The following CIZ1 variants were observed in gnomAD, a reference collection of about 807,000 sequenced individuals.
CIZ1 encodes CDKN1A interacting zinc finger protein 1.
In CIZ1, 58 loss-of-function variants were observed where a neutral mutation model predicts 118.6. That is an observed-to-expected ratio of 0.49 (90% CI 0.40 to 0.61). The LOEUF (loss-of-function observed/expected upper bound fraction) is 0.61, where lower values mean the gene tolerates loss of function less well. Among genes scored for constraint, CIZ1 ranks in the 20% least tolerant of loss-of-function variants. The pLI, the probability that CIZ1 is intolerant of heterozygous loss-of-function variation, is 0.00. For synonymous variants in CIZ1, 448 were observed against 443.4 expected (o/e 1.01, Z -0.13); for missense variants, 921 against 1,115.9 (o/e 0.83, Z 2.49).
At chr9:128,185,417 A>T in intron 5 of CIZ1, 130 bp downstream of exon 5, 2 of 502,654 alleles carry the variant, frequency 4.0e-6, no homozygotes, top group Non-Finnish European at 7.0e-6. Flanking sequence ...CCCTCATTTT[A>T]CAGATGAGGA....
At chr9:128,167,435 G>C in intron 14 of CIZ1, 1 of 465,658 alleles carries the variant, frequency 2.1e-6, no homozygotes, top group Non-Finnish European at 3.8e-6. Context: ...CACGCCAGGT[G>C]TGCCCAAGAC....
At chr9:128,167,228 G>T in intron 14 of CIZ1, 64 bp from the exon 15 acceptor site, 1 of 1,303,374 alleles carries the variant, frequency 7.7e-7, no homozygotes, top group Non-Finnish European at 1.0e-6. Flanking sequence ...GACACAGGTC[G>T]GGGGCCTAGA....
chr9:128,174,024 CA>C (rs888369095), intron 11 of CIZ1, among the ~76,000 whole-genome samples: 36 of 147,718 alleles, frequency 2.4e-4, no homozygotes, highest in African/African-American at 7.6e-4. Flanking sequence ...AACAAAAAAA[CA>C]AAAAAAAAAA....
At position 128,177,650 on chromosome 9, in the gene CIZ1, G is replaced by A. The variant is rs1355722913; in HGVS notation, c.1734C>T (p.Ser578=). ...PVPRPSDSVS[S]TPAATSTPSK... is the part of the protein sequence containing the mutation. Reference sequence around the variant, plus strand: ...AGGGAGTGCTGGTAGCCGCAGGGGTGGAGGAGACGGAGTCACTGGGGCGGG... The same window carrying A: ...AGGGAGTGCTGGTAGCCGCAGGGGTAGAGGAGACGGAGTCACTGGGGCGGG... Residue 578 remains serine, a synonymous_variant, in exon 10 of 17, where the codon TCC becomes TCT. Transcript: ENST00000372938. The A allele has an allele frequency of 6.3e-7, 1 of 1,591,130 alleles. No individual in the cohort carries two copies. Among genetic ancestry groups the A allele is most frequent in the Non-Finnish European group, 8.6e-7 (1 of 1,169,132 alleles).
In CIZ1 at chr9:128,167,183, G is replaced by A; in HGVS notation, c.2296-19C>T. 1 of 1,552,886 alleles carries A rather than the reference G, an allele frequency of 6.4e-7. No individual in the cohort carries two copies. The highest frequency in any genetic ancestry group is 8.7e-7 in the Non-Finnish European group (1 of 1,147,478). On this transcript the variant is annotated intron_variant, in intron 14 of 16. Coordinates refer to ENST00000372938, the MANE Select transcript of CIZ1 (RefSeq NM_001131016.2). ...ACCTCACCTGAAAACATGCAAGTGTGGGCCTCGGATCTGGCTTCCCCTTGA... is the reference window on the plus strand; with the variant it reads ...ACCTCACCTGAAAACATGCAAGTGTAGGCCTCGGATCTGGCTTCCCCTTGA...
At chr9:128,167,505 A>G (rs915087763) in intron 14 of CIZ1, 2 of 242,324 alleles carry the variant, frequency 8.3e-6, no homozygotes, top group Non-Finnish European at 1.6e-5. Flanking sequence ...ACATTTTACT[A>G]AGAAGAAACT....
chr9:128,194,217 C>T (rs911097681), upstream of CIZ1, among the ~76,000 whole-genome samples: 27 of 151,436 alleles, frequency 1.8e-4, no homozygotes, highest in African/African-American at 6.1e-4. Flanking sequence ...CAAAAATTAG[C>T]CGGGCATGGT....
At position 128,190,809 on chromosome 9, in the gene CIZ1, G is replaced by A; in HGVS notation, c.49C>T (p.Leu17Phe). The change falls in exon 2 of 17, where the codon CTC becomes TTC. Residue 17 changes from leucine to phenylalanine, a missense_variant. Physicochemically the swap from Leu to Phe is conservative, Grantham distance 22 (BLOSUM62 0). Coordinates refer to ENST00000372938, the MANE Select transcript of CIZ1 (RefSeq NM_001131016.2). ...QQQLQQQQQQ[L>F]QQLQQQQLQQ... is the part of the protein sequence containing the mutation. Reference sequence around the variant, plus strand: ...AGCTGCTGCTGCTGTAACTGCTGGAGCTGCTGCTGCTGTTGCTGGAGCTGC... The same window carrying A: ...AGCTGCTGCTGCTGTAACTGCTGGAACTGCTGCTGCTGTTGCTGGAGCTGC... 1 of 1,534,460 alleles carries A rather than the reference G, an allele frequency of 6.5e-7. No homozygotes were observed. Among genetic ancestry groups the A allele is most frequent in the African/African-American group, 1.4e-5 (1 of 73,018 alleles).
chr9:128,186,201 C>T (rs1304232927), intron 4 of CIZ1, among the ~76,000 whole-genome samples: 1 of 152,082 alleles, frequency 6.6e-6, no homozygotes, highest in African/African-American at 2.4e-5. Flanking sequence ...AGGCACTGTG[C>T]TAAGCCCATT....
intron 7 of CIZ1, among the ~76,000 whole-genome samples, chr9:128,179,735 C>T (rs531392916): frequency 8.5e-5 from 13 of 152,212 alleles, no homozygotes; most frequent in African/African-American, 2.2e-4. Context: ...TGCAATGGCG[C>T]GATCTCGGCT....
chr9:128,192,856 C>T (rs1447345703), upstream of CIZ1, among the ~76,000 whole-genome samples: 1 of 152,220 alleles, frequency 6.6e-6, no homozygotes, highest in Non-Finnish European at 1.5e-5. Flanking sequence ...GTAGCAATTC[C>T]GGCTCCCTTT....
chr9:128,190,841 TGC>T lies in CIZ1; in HGVS notation c.15_16del (p.Gln6AlafsTer102). On this transcript the variant is annotated frameshift_variant, in exon 2 of 17. Transcript: ENST00000372938. LOFTEE classifies it high-confidence loss of function. The stretch of plus-strand genomic sequence containing the variant: ...CTGCTGTTGCTGGAGCTGCTGCTGC[TGC>T]TGCTGGCTGAACATGGTGGCTAGGG... The T allele has an allele frequency of 6.5e-7, 1 of 1,542,880 alleles. No individual in the cohort carries two copies. Among genetic ancestry groups the T allele is most frequent in the Admixed American group, 1.9e-5 (1 of 51,490 alleles).
At chr9:128,182,216 A>G (rs7862058) in intron 5 of CIZ1, among the ~76,000 whole-genome samples, 94,722 of 151,200 alleles carry the variant, frequency 0.63, 30,746 homozygotes, top group East Asian at 0.95. Context: ...GGCCACTACC[A>G]GTCTCTGCGC....
chr9:128,180,902 G>C, intron 5 of CIZ1, 88 bp from the exon 6 acceptor site: 1 of 918,584 alleles, frequency 1.1e-6, no homozygotes, highest in Non-Finnish European at 1.7e-6. Context: ...CCATCCTCCA[G>C]GGGATGACAG....
At chr9:128,173,788 C>T (rs1447111671) in intron 11 of CIZ1, among the ~76,000 whole-genome samples, 2 of 152,052 alleles carry the variant, frequency 1.3e-5, no homozygotes, top group Non-Finnish European at 2.9e-5. Flanking sequence ...GGGCAGATCA[C>T]AAGGTCAGGA....
Position 128,177,549 on chromosome 9 carries a change from ATCTCCTGT to A in CIZ1, c.1818+9_1818+16del. On this transcript the variant is annotated intron_variant, in intron 10 of 16. Coordinates refer to ENST00000372938, the MANE Select transcript of CIZ1 (RefSeq NM_001131016.2). ...GCAGGCCCCACCCCTCCCCACCCTTATCTCCTGTATCAGTACCTGCTGGCTGGAGCAGC... is the reference window on the plus strand; with the variant it reads ...GCAGGCCCCACCCCTCCCCACCCTTAATCAGTACCTGCTGGCTGGAGCAGC... The A allele has an allele frequency of 7.5e-7, 1 of 1,339,376 alleles. No individual in the cohort carries two copies. Among genetic ancestry groups the A allele is most frequent in the Non-Finnish European group, 9.9e-7 (1 of 1,009,218 alleles). 83.0% of individuals were successfully genotyped at this position (1,339,376 alleles called of 1,614,324 possible). A position where few individuals can be genotyped will look rare whatever the true frequency, so the allele number is the denominator to read the frequency against.
chr9:128,170,189 A>C, intron 11 of CIZ1, 82 bp from the exon 12 acceptor site: 1 of 1,175,394 alleles, frequency 8.5e-7, no homozygotes, highest in Non-Finnish European at 1.2e-6. Flanking sequence ...AGTGTAATCC[A>C]TTCCAATAGC....
chr9:128,181,244 T>C (rs780648801), intron 5 of CIZ1, among the ~76,000 whole-genome samples: 2 of 152,062 alleles, frequency 1.3e-5, no homozygotes, highest in Non-Finnish European at 2.9e-5. Context: ...GCCTCCCAAA[T>C]AGCTGGGATT....
chr9:128,185,334 C>A (rs923301460), intron 5 of CIZ1, among the ~76,000 whole-genome samples: 1 of 152,150 alleles, frequency 6.6e-6, no homozygotes, highest in Non-Finnish European at 1.5e-5. Flanking sequence ...AGTGTTTGGG[C>A]ATGGCAAAAA....
Sources: gnomAD v4.1 joint callset for allele counts (sites outside exome capture counted in the v4.1 genomes callset) on GRCh38, gnomAD v4.1.1 for gene constraint, MANE v1.5 for transcripts, NCBI Gene and HGNC (gene_info 2026-07-23, HGNC 2026-07-21) for gene names.